PHACTR1: variants seen among roughly 807,000 people sequenced by gnomAD.
PHACTR1 encodes RPEL repeat containing 1.
In PHACTR1, 16 loss-of-function variants were observed where a neutral mutation model predicts 69.2. The ratio of observed to expected loss-of-function variants is 0.23; its 90% confidence interval spans 0.16 to 0.35. The LOEUF is 0.35. Ranked by LOEUF, PHACTR1 falls within the 10% of genes least tolerant of loss-of-function variation. The probability of loss-of-function intolerance (pLI) is 1.00; values close to 1 mark genes in which losing one functional copy is unlikely to be tolerated. For synonymous variants in PHACTR1, 312 were observed against 284.5 expected (o/e 1.10, Z -0.97); for missense variants, 510 against 734.7 (o/e 0.69, Z 3.54).
intron 3 of PHACTR1, chr6:12,749,349 G>C: frequency 2.1e-6 from 1 of 486,360 alleles, no homozygotes; most frequent in Middle Eastern, 3.1e-4. Flanking sequence ...CCTGTGGCTG[G>C]GAGAGGAGTC....
At position 13,179,901 on chromosome 6, in the gene PHACTR1, T is replaced by G. The variant is rs879898187; in HGVS notation, c.497-2618T>G. 5.3e-5 allele frequency among the ~76,000 whole-genome samples: 8 copies of G among 152,200 alleles called. No individual in the cohort carries two copies. Among genetic ancestry groups the G allele is most frequent in the Admixed American group, 2.0e-4 (3 of 15,280 alleles). On this transcript the variant is annotated intron_variant, in intron 6 of 14. Coordinates refer to ENST00000332995, the MANE Select transcript of PHACTR1 (RefSeq NM_030948.6). The surrounding 1 kb of genome is among the most constrained non-coding windows in gnomAD (Gnocchi z 4.2). ...GTATGTGTCAGTAGACATTGGAATA[T>G]TAATACATGAAAATTTCATTTACTG...
chr6:13,220,605 C>T (rs1445793875), intron 8 of PHACTR1, among the ~76,000 whole-genome samples: 4 of 152,166 alleles, frequency 2.6e-5, no homozygotes, highest in East Asian at 1.9e-4. Flanking sequence ...GAAGGCCACA[C>T]GGTACCAATG....
chr6:12,850,048 CT>C (rs1184809836), intron 4 of PHACTR1, among the ~76,000 whole-genome samples: 3 of 152,162 alleles, frequency 2.0e-5, no homozygotes, highest in African/African-American at 7.2e-5. Context: ...GATTTCTTGT[CT>C]TCTATGTCCT....
chr6:12,964,661 T>A (rs1793206051), intron 4 of PHACTR1, among the ~76,000 whole-genome samples: 1 of 152,128 alleles, frequency 6.6e-6, no homozygotes, highest in East Asian at 1.9e-4. Context: ...GTTTAATCTA[T>A]GTGTTAGGTG....
intron 12 of PHACTR1, chr6:13,279,194 C>T (rs891844327): frequency 2.0e-5 from 3 of 152,124 alleles, no homozygotes; most frequent in Non-Finnish European, 4.4e-5. Flanking sequence ...ATAGTCTTAA[C>T]CCCAAAAATA....
At chr6:13,255,888 C>T (rs1231185203) in intron 10 of PHACTR1, among the ~76,000 whole-genome samples, 1 of 152,200 alleles carries the variant, frequency 6.6e-6, no homozygotes, top group African/African-American at 2.4e-5. Context: ...AGTGGATCTT[C>T]TGGGGCCTAG....
At chr6:12,837,848 A>G (rs1455982707) in intron 4 of PHACTR1, among the ~76,000 whole-genome samples, 2 of 152,248 alleles carry the variant, frequency 1.3e-5, no homozygotes, top group Admixed American at 1.3e-4. Context: ...TGTGGCCTCA[A>G]ACTTAGTGGC....
intron 4 of PHACTR1, among the ~76,000 whole-genome samples, chr6:12,781,100 G>T (rs1051779617): frequency 2.6e-5 from 4 of 152,146 alleles, no homozygotes; most frequent in African/African-American, 9.7e-5. Flanking sequence ...CCCATTCCCT[G>T]TCACTCCCCA....
At chr6:13,071,684 A>G (rs552354395) in intron 5 of PHACTR1, among the ~76,000 whole-genome samples, 54 of 152,340 alleles carry the variant, frequency 3.5e-4, no homozygotes, top group Non-Finnish European at 2.4e-4. Context: ...GGGAGTTTCT[A>G]AAATAAAAAA....
Position 12,874,131 on chromosome 6 carries a change from T to C in PHACTR1, c.250+124341T>C, listed in dbSNP as rs563057053. Among the ~76,000 whole-genome samples, 17 of 152,374 alleles carry C rather than the reference T, an allele frequency of 1.1e-4. No homozygotes were observed. In the East Asian group the frequency reaches 3.1e-3, roughly 28 times the overall value. The stretch of plus-strand genomic sequence containing the variant: ...AATGCGGATTGTGATTCAGTAGGAC[T>C]GGGTGGGCCTAAAGTTCTGAAATTC... On this transcript the variant is annotated intron_variant, in intron 4 of 14. Transcript: ENST00000332995.
rs1299551914 is a variant in PHACTR1 at position 13,287,236 on chromosome 6, A to G, written c.*158A>G. 1.1e-5 allele frequency: 9 copies of G among 829,126 alleles called. No homozygotes were observed. Among genetic ancestry groups the G allele is most frequent in the South Asian group, 1.8e-5 (1 of 54,588 alleles). 51.4% of individuals were successfully genotyped at this position (829,126 alleles called of 1,614,324 possible). A position where few individuals can be genotyped will look rare whatever the true frequency, so the allele number is the denominator to read the frequency against. On this transcript the variant is annotated 3_prime_UTR_variant, in exon 15 of 15. Transcript: ENST00000332995. ...ATCAAGGAAACACAATCAGGATTTTATGTGTGAAAACGCAAAAGTGATGGC... is the reference window on the plus strand; with the variant it reads ...ATCAAGGAAACACAATCAGGATTTTGTGTGTGAAAACGCAAAAGTGATGGC...
At chr6:13,255,633 C>A (rs1359691608) in intron 10 of PHACTR1, among the ~76,000 whole-genome samples, 1 of 152,174 alleles carries the variant, frequency 6.6e-6, no homozygotes, top group Admixed American at 6.5e-5. Flanking sequence ...AGATATCAGC[C>A]AAAAGAAAGG....
intron 4 of PHACTR1, among the ~76,000 whole-genome samples, chr6:12,838,997 A>G (rs531578689): frequency 1.4e-4 from 22 of 152,324 alleles, no homozygotes; most frequent in South Asian, 1.2e-3. Context: ...TACTTACTGC[A>G]TGTCATTTAC....
At chr6:12,752,584 A>G (rs1766763923) in intron 4 of PHACTR1, among the ~76,000 whole-genome samples, 2 of 152,266 alleles carry the variant, frequency 1.3e-5, no homozygotes, top group African/African-American at 2.4e-5. Flanking sequence ...CAATGCTTCA[A>G]GGAATACATA....
At chr6:12,724,748 A>G (rs1336976640) in intron 3 of PHACTR1, among the ~76,000 whole-genome samples, 1 of 152,210 alleles carries the variant, frequency 6.6e-6, no homozygotes, top group Non-Finnish European at 1.5e-5. Flanking sequence ...ACAGCTTAAA[A>G]GAGGACAGCA....
intron 4 of PHACTR1, among the ~76,000 whole-genome samples, chr6:13,021,343 A>G (rs1020699995): frequency 6.6e-6 from 1 of 152,236 alleles, no homozygotes; most frequent in African/African-American, 2.4e-5. Flanking sequence ...ATGCTGTAGC[A>G]TGTATCAGAA....
At chr6:12,867,001 T>G (rs2127434209) in intron 4 of PHACTR1, among the ~76,000 whole-genome samples, 1 of 152,316 alleles carries the variant, frequency 6.6e-6, no homozygotes, top group Middle Eastern at 3.4e-3. Flanking sequence ...TGCTAAGTTT[T>G]AAGCTTAGCT....
At chr6:13,094,741 G>C (rs1472678981) in intron 5 of PHACTR1, among the ~76,000 whole-genome samples, 1 of 152,096 alleles carries the variant, frequency 6.6e-6, no homozygotes, top group Non-Finnish European at 1.5e-5. Context: ...ATGCAGAAGA[G>C]AGCATAAGAT....
chr6:13,194,401 C>CAAAA (rs1297859837), intron 7 of PHACTR1, among the ~76,000 whole-genome samples: 8 of 99,558 alleles, frequency 8.0e-5, no homozygotes, highest in African/African-American at 1.4e-4. Context: ...GACTCCGTCT[C>CAAAA]AAAAAAAAAA....
Sources: allele counts gnomAD v4.1 joint callset (sites outside exome capture counted in the v4.1 genomes callset), GRCh38; gene constraint gnomAD v4.1.1; non-coding constraint Gnocchi (gnomAD v3.1); transcripts MANE v1.5; gene names NCBI Gene and HGNC (gene_info 2026-07-23, HGNC 2026-07-21).